The following SMG7 variants were observed in gnomAD, a reference collection of about 807,000 sequenced individuals.
SMG7 encodes nonsense-mediated mRNA decay factor SMG7.
In SMG7, 34 loss-of-function variants were observed where a neutral mutation model predicts 148.2. That is an observed-to-expected ratio of 0.23 (90% confidence interval 0.17 to 0.31). The LOEUF (loss-of-function observed/expected upper bound fraction) is 0.31, where lower values mean the gene tolerates loss of function less well. SMG7 is among the 10% of genes least tolerant of loss of function. SMG7 has a pLI of 1.00. For missense variants in SMG7, 1,114 were observed against 1,408.4 expected, an observed-to-expected ratio of 0.79 and a Z score of 3.35; for synonymous variants, 492 against 515.1, an observed-to-expected ratio of 0.96 and a Z score of 0.61.
intron 6 of SMG7, among the ~76,000 whole-genome samples, chr1:183,528,258 G>A (rs1390852021): frequency 6.6e-6 from 1 of 151,944 alleles, no homozygotes; most frequent in Non-Finnish European, 1.5e-5. Context: ...TGTCAGTAAA[G>A]CAATATAGAT....
In SMG7 at chr1:183,528,824, A is replaced by G; in HGVS notation, c.557-68A>G. Reference sequence around the variant, plus strand: ...TTGTTTGAGTATTTAAACACTGATCATTTGTATTCTTATAGCAAGACTTTG... The same window carrying G: ...TTGTTTGAGTATTTAAACACTGATCGTTTGTATTCTTATAGCAAGACTTTG... On this transcript the variant is annotated intron_variant, in intron 6 of 22. Transcript: ENST00000688051. 4 of 1,343,424 alleles carry G rather than the reference A, an allele frequency of 3.0e-6. No individual in the cohort carries two copies. The South Asian group carries it at 5.3e-5, about 18-fold the overall frequency. The allele number at this position is 1,343,424 out of a possible 1,614,324, so 83.2% of individuals were successfully genotyped here.
chr1:183,529,102 A>AT, intron 7 of SMG7, 60 bp downstream of exon 7: 1 of 1,476,484 alleles, frequency 6.8e-7, no homozygotes, highest in Non-Finnish European at 9.2e-7. Context: ...TGGAGCCTTA[A>AT]TTCCTCATAA....
chr1:183,549,117 A>C, intron 18 of SMG7, 91 bp from the exon 19 acceptor site: 1 of 926,950 alleles, frequency 1.1e-6, no homozygotes. Context: ...GAATACAGGC[A>C]TGCTTTTGCT....
At chr1:183,521,822 C>T (rs919310544) in intron 4 of SMG7, among the ~76,000 whole-genome samples, 3 of 148,648 alleles carry the variant, frequency 2.0e-5, no homozygotes, top group Non-Finnish European at 3.0e-5. Flanking sequence ...GCCATATTTG[C>T]GCCACCTGCC....
intron 1 of SMG7, among the ~76,000 whole-genome samples, chr1:183,491,303 A>G (rs1487185185): frequency 6.6e-6 from 1 of 152,238 alleles, no homozygotes; most frequent in Non-Finnish European, 1.5e-5. Flanking sequence ...TTTACTGCTG[A>G]ATAATATTCT....
At chr1:183,501,740 A>G (rs1659766882) in intron 1 of SMG7, among the ~76,000 whole-genome samples, 1 of 152,180 alleles carries the variant, frequency 6.6e-6, no homozygotes. Context: ...AGTCCTTAAC[A>G]CTGTATCTAT....
At chr1:183,513,026 G>C (rs1184113053) in intron 2 of SMG7, 158 bp downstream of exon 2, 4 of 621,572 alleles carry the variant, frequency 6.4e-6, no homozygotes, top group Non-Finnish European at 1.1e-5. Flanking sequence ...TGTTTATGTA[G>C]TTTGAATTCT....
intron 2 of SMG7, among the ~76,000 whole-genome samples, chr1:183,515,605 CTTTTT>C (rs35057958): frequency 8.1e-6 from 1 of 123,222 alleles, no homozygotes; most frequent in Non-Finnish European, 1.8e-5. Flanking sequence ...GCAAACCATT[CTTTTT>C]TTTTTTTTTT....
intron 1 of SMG7, 138 bp from the exon 2 acceptor site, chr1:183,512,699 C>A: frequency 1.3e-6 from 1 of 765,378 alleles, no homozygotes; most frequent in Non-Finnish European, 2.1e-6. Flanking sequence ...ATGCTGTTTG[C>A]AGTGCCACAA....
chr1:183,538,539 C>T, intron 12 of SMG7, 99 bp downstream of exon 12: 1 of 819,222 alleles, frequency 1.2e-6, no homozygotes. Flanking sequence ...TGATCTGTCC[C>T]AGCTGTGTGT....
chr1:183,502,143 T>C (rs1415591525), intron 1 of SMG7: 1 of 671,138 alleles, frequency 1.5e-6, no homozygotes, highest in Non-Finnish European at 2.2e-6. Context: ...TTGACATTTT[T>C]CCTTTACCTT....
At chr1:183,485,661 G>A (rs1655264921) in intron 1 of SMG7, among the ~76,000 whole-genome samples, 1 of 152,168 alleles carries the variant, frequency 6.6e-6, no homozygotes, top group Admixed American at 6.5e-5. Flanking sequence ...AGTAGTGAAT[G>A]ACTTGCCAGT....
chr1:183,487,747 G>A lies in SMG7; in HGVS notation c.29+15098G>A, dbSNP rs188479272. Among the ~76,000 whole-genome samples the A allele has an allele frequency of 2.6e-5, 4 of 152,336 alleles. 1 individual carries two copies. The highest frequency in any genetic ancestry group is 2.6e-4 in the Admixed American group (4 of 15,310). ...TTAGTTCACACTTAAATGTGGGGTT[G>A]ATGTGTTTGTTGATGGAGCCTGAAT... On this transcript the variant is annotated intron_variant, in intron 1 of 22. Transcript: ENST00000688051.
intron 1 of SMG7, among the ~76,000 whole-genome samples, chr1:183,496,817 C>T (rs979816605): frequency 2.0e-5 from 3 of 152,156 alleles, no homozygotes; most frequent in African/African-American, 7.2e-5. Context: ...CTAATGATAG[C>T]TGATGAGCTT....
rs1286919619 is a variant in SMG7 at position 183,477,800 on chromosome 1, GTA to G, written c.29+5155_29+5156del. 7.9e-5 allele frequency among the ~76,000 whole-genome samples: 12 copies of G among 151,822 alleles called. No homozygotes were observed. The East Asian group carries it at 1.2e-3, about 15-fold the overall frequency. The stretch of plus-strand genomic sequence containing the variant: ...TGTATGTGTGTATGTATACATATAT[GTA>G]TATGTGTCTATGCACATATGTGTGT... On this transcript the variant is annotated intron_variant, in intron 1 of 22. Coordinates refer to ENST00000688051, the MANE Select transcript of SMG7 (RefSeq NM_001375584.1).
At chr1:183,551,734 C>CT in intron 22 of SMG7, 84 bp from the exon 23 acceptor site, 1 of 1,085,220 alleles carries the variant, frequency 9.2e-7, no homozygotes, top group Non-Finnish European at 1.3e-6. Flanking sequence ...ATATATATGC[C>CT]TTTATATTTG....
At chr1:183,480,248 C>A (rs1366171822) in intron 1 of SMG7, among the ~76,000 whole-genome samples, 1 of 152,100 alleles carries the variant, frequency 6.6e-6, no homozygotes, top group Non-Finnish European at 1.5e-5. Context: ...GAACCAATCT[C>A]AATTTTCCTT....
At chr1:183,521,859 A>AC (rs1664846756) in intron 4 of SMG7, among the ~76,000 whole-genome samples, 1 of 22,864 alleles carries the variant, frequency 4.4e-5, no homozygotes, top group Non-Finnish European at 7.4e-5. Context: ...ACCTTGTCTC[A>AC]AAAAAAAAAA....
At chr1:183,530,027 A>T (rs1666579726) in intron 8 of SMG7, among the ~76,000 whole-genome samples, 1 of 152,164 alleles carries the variant, frequency 6.6e-6, no homozygotes, top group South Asian at 2.1e-4. Flanking sequence ...CTATTTATAT[A>T]TGTGAAAATG....
Sources: gnomAD v4.1 joint callset for allele counts (sites outside exome capture counted in the v4.1 genomes callset) on GRCh38, gnomAD v4.1.1 for gene constraint, MANE v1.5 for transcripts, NCBI Gene and HGNC (gene_info 2026-07-23, HGNC 2026-07-21) for gene names.